CPT1A: variants seen among roughly 807,000 people sequenced by gnomAD.
The protein encoded by CPT1A is carnitine palmitoyltransferase 1A, also known as carnitine O-palmitoyltransferase 1, liver isoform.
Under a neutral mutation model 100.8 loss-of-function variants are expected in CPT1A, and 64 were observed. The observed-to-expected ratio is 0.63, with a 90% CI of 0.52 to 0.78. The LOEUF is 0.78. Among genes scored for constraint, CPT1A ranks in the 30% least tolerant of loss-of-function variants. The pLI, the probability that CPT1A is intolerant of heterozygous loss-of-function variation, is 0.00. For missense variants in CPT1A, 802 were observed against 1,034.1 expected, an observed-to-expected ratio of 0.78 and a Z score of 3.08; for synonymous variants, 363 against 396.0, an observed-to-expected ratio of 0.92 and a Z score of 0.99.
chr11:68,827,771 C>G (rs75923988), intron 1 of CPT1A, among the ~76,000 whole-genome samples: 5 of 152,142 alleles, frequency 3.3e-5, no homozygotes, highest in Non-Finnish European at 7.3e-5. Context: ...CAAGTGCATA[C>G]AGTGCCACCA....
chr11:68,773,090 C>A (rs928015892), intron 14 of CPT1A, among the ~76,000 whole-genome samples, 175 bp downstream of exon 14: 3 of 152,176 alleles, frequency 2.0e-5, no homozygotes, highest in Non-Finnish European at 4.4e-5. Context: ...GAACTTTGCC[C>A]GCGTGCGTGG....
intron 1 of CPT1A, among the ~76,000 whole-genome samples, chr11:68,838,577 A>AAAAAACAAAC (rs1268883483): frequency 3.5e-5 from 5 of 143,942 alleles, no homozygotes; most frequent in African/African-American, 5.1e-5. Flanking sequence ...CTTTTTAAAA[A>AAAAAACAAAC]AAAAAAAAAA....
intron 1 of CPT1A, among the ~76,000 whole-genome samples, chr11:68,832,042 A>T (rs1856894613): frequency 6.6e-6 from 1 of 152,042 alleles, no homozygotes. Flanking sequence ...TCCCACTAGC[A>T]CCCTAGGAAA....
At chr11:68,837,686 G>T (rs908508331) in intron 1 of CPT1A, among the ~76,000 whole-genome samples, 1 of 152,134 alleles carries the variant, frequency 6.6e-6, no homozygotes, top group Admixed American at 6.6e-5. Context: ...GAAAAAGGGT[G>T]CTTCGGGCAG....
At chr11:68,824,112 G>A (rs1466805098) in intron 1 of CPT1A, among the ~76,000 whole-genome samples, 3 of 151,918 alleles carry the variant, frequency 2.0e-5, no homozygotes, top group African/African-American at 7.3e-5. Context: ...GCCAGGCGCG[G>A]TGGCAGACGC....
At chr11:68,822,506 C>T (rs1037074558) in intron 1 of CPT1A, among the ~76,000 whole-genome samples, 12 of 151,824 alleles carry the variant, frequency 7.9e-5, no homozygotes, top group Admixed American at 3.3e-4. Context: ...GCACTCCAGC[C>T]TGGGCAACAG....
intron 9 of CPT1A, among the ~76,000 whole-genome samples, chr11:68,787,177 CTG>C (rs1855486216): frequency 6.6e-6 from 1 of 152,100 alleles, no homozygotes; most frequent in Admixed American, 6.6e-5. Context: ...TGACTCACAC[CTG>C]TAAACCCAGC....
chr11:68,817,706 G>T (rs1158742730), intron 1 of CPT1A, among the ~76,000 whole-genome samples: 1 of 146,034 alleles, frequency 6.8e-6, no homozygotes, highest in Admixed American at 6.8e-5. Context: ...AGGGCAGGTG[G>T]CTGGGGTCAA....
intron 1 of CPT1A, among the ~76,000 whole-genome samples, chr11:68,832,267 G>A (rs775995272): frequency 2.0e-5 from 3 of 152,118 alleles, no homozygotes; most frequent in Non-Finnish European, 4.4e-5. Context: ...TGACCAATAT[G>A]GTGAAACCCT....
Position 68,754,977 on chromosome 11 carries a change from G to A in CPT1A, c.*2667C>T, listed in dbSNP as rs181603153. ...TCCAAAGAGCATACTGTATTTACAT[G>A]CACCGGTCAGCCCAAGATAACAAAT... On this transcript the variant is annotated 3_prime_UTR_variant, in exon 19 of 19. Transcript: ENST00000265641. The A allele has an allele frequency of 8.7e-4, 582 of 671,548 alleles. 19 individuals are homozygous for A. The Admixed American group carries it at 0.012, about 14-fold the overall frequency. The allele number at this position is 671,548 out of a possible 1,614,324, so 41.6% of individuals were successfully genotyped here. A position where few individuals can be genotyped will look rare whatever the true frequency, so the allele number is the denominator to read the frequency against.
intron 9 of CPT1A, 24 bp downstream of exon 9, chr11:68,793,288 AGGG>A: frequency 6.4e-7 from 1 of 1,552,780 alleles, no homozygotes; most frequent in Non-Finnish European, 8.9e-7. Context: ...CCGATTCTCC[AGGG>A]GGCCCTGAAG....
chr11:68,840,768 G>A (rs888324452), intron 1 of CPT1A, among the ~76,000 whole-genome samples: 3 of 152,224 alleles, frequency 2.0e-5, no homozygotes, highest in African/African-American at 7.2e-5. Context: ...GAAAGAAGCC[G>A]GCTGTTGGCT....
chr11:68,803,757 T>C (rs1292894555), intron 5 of CPT1A, among the ~76,000 whole-genome samples: 2 of 141,714 alleles, frequency 1.4e-5, no homozygotes, highest in Non-Finnish European at 3.1e-5. Context: ...TAAAATAAAA[T>C]AAAGCTTTAA....
intron 10 of CPT1A, among the ~76,000 whole-genome samples, chr11:68,783,030 G>A (rs902080040): frequency 2.6e-5 from 4 of 152,106 alleles, no homozygotes; most frequent in Non-Finnish European, 4.4e-5. Context: ...GGAGGGCATC[G>A]GATGAGCGCA....
intron 5 of CPT1A, among the ~76,000 whole-genome samples, chr11:68,803,712 AAAAATAAAATAAAATAAAAT>A (rs59753299): frequency 1.3e-4 from 19 of 143,674 alleles, no homozygotes; most frequent in African/African-American, 3.8e-4. Flanking sequence ...GTCCATCACA[AAAAATAAAATAAAATAAAAT>A]AAAATAAAAT....
chr11:68,822,952 T>C (rs755927602), intron 1 of CPT1A, among the ~76,000 whole-genome samples: 2 of 152,120 alleles, frequency 1.3e-5, no homozygotes, highest in African/African-American at 4.8e-5. Context: ...AGGGAGGTCA[T>C]GGGTAAGGAG....
chr11:68,770,700 C>T (rs1457196926), intron 14 of CPT1A, among the ~76,000 whole-genome samples: 2 of 152,224 alleles, frequency 1.3e-5, no homozygotes, highest in Admixed American at 1.3e-4. Context: ...TGACACAAAA[C>T]CAGCCTCTCA....
intron 3 of CPT1A, among the ~76,000 whole-genome samples, chr11:68,811,477 T>C (rs1283417126): frequency 6.6e-6 from 1 of 152,072 alleles, no homozygotes; most frequent in African/African-American, 2.4e-5. Context: ...CGTTCCACTG[T>C]CTGGACGTTC....
chr11:68,770,593 G>A (rs1488353912), intron 14 of CPT1A, among the ~76,000 whole-genome samples: 1 of 152,220 alleles, frequency 6.6e-6, no homozygotes, highest in African/African-American at 2.4e-5. Flanking sequence ...ATCAGGAATG[G>A]ATGTTAAACG....
Sources: gnomAD v4.1 joint callset for allele counts (sites outside exome capture counted in the v4.1 genomes callset) on GRCh38, gnomAD v4.1.1 for gene constraint, MANE v1.5 for transcripts, NCBI Gene and HGNC (gene_info 2026-07-23, HGNC 2026-07-21) for gene names.